The following THEMIS variants were observed in gnomAD, a reference collection of about 807,000 sequenced individuals.
THEMIS encodes the protein protein THEMIS.
Under a neutral mutation model 52.6 loss-of-function variants are expected in THEMIS, and 37 were observed. That is an observed-to-expected ratio of 0.70 (90% CI 0.54 to 0.93). The LOEUF (loss-of-function observed/expected upper bound fraction) is 0.93, where lower values mean the gene tolerates loss of function less well. THEMIS is among the 40% of genes least tolerant of loss of function. The probability of loss-of-function intolerance (pLI) is 0.00; values close to 1 mark genes in which losing one functional copy is unlikely to be tolerated. For synonymous variants in THEMIS, 292 were observed against 272.7 expected, an observed-to-expected ratio of 1.07 and a Z score of -0.70; for missense variants, 808 against 763.1, an observed-to-expected ratio of 1.06 and a Z score of -0.69.
chr6:127,872,801 G>T (rs550374610), intron 1 of THEMIS, among the ~76,000 whole-genome samples: 2 of 151,860 alleles, frequency 1.3e-5, no homozygotes, highest in South Asian at 4.2e-4. Context: ...AATAAAGCAA[G>T]AAAATAAAAT....
intron 4 of THEMIS, among the ~76,000 whole-genome samples, chr6:127,783,361 A>G (rs186432509): frequency 6.6e-6 from 1 of 152,332 alleles, no homozygotes; most frequent in East Asian, 1.9e-4. Context: ...ACCAAAACCA[A>G]TGGCAACAAA....
At chr6:127,913,771 C>G (rs1042391397) in intron 1 of THEMIS, among the ~76,000 whole-genome samples, 1 of 152,180 alleles carries the variant, frequency 6.6e-6, no homozygotes, top group Non-Finnish European at 1.5e-5. Flanking sequence ...TAACATTTTA[C>G]AGCTCATGCA....
intron 3 of THEMIS, among the ~76,000 whole-genome samples, chr6:127,828,956 A>T (rs1380595552): frequency 6.6e-6 from 1 of 152,164 alleles, no homozygotes; most frequent in East Asian, 1.9e-4. Context: ...GTGTGAATTA[A>T]TTTGTCATAT....
At chr6:127,734,979 G>GTA (rs563903085) in intron 4 of THEMIS, among the ~76,000 whole-genome samples, 1,703 of 133,778 alleles carry the variant, frequency 0.013, 17 homozygotes, top group Middle Eastern at 0.048. Flanking sequence ...ATATGTGTGT[G>GTA]TATATATATA....
chr6:127,811,992 G>A (rs1367367535), intron 4 of THEMIS, among the ~76,000 whole-genome samples: 1 of 152,078 alleles, frequency 6.6e-6, no homozygotes, highest in Non-Finnish European at 1.5e-5. Flanking sequence ...GAAGCCTAAG[G>A]CTGCTATTAT....
intron 3 of THEMIS, among the ~76,000 whole-genome samples, chr6:127,814,467 G>C (rs1439144736): frequency 4.6e-5 from 7 of 152,142 alleles, no homozygotes; most frequent in Non-Finnish European, 8.8e-5. Flanking sequence ...ATCATATCCT[G>C]TGAGTTGAAA....
chr6:127,915,096 T>C (rs114706927), intron 1 of THEMIS, among the ~76,000 whole-genome samples: 1,670 of 152,262 alleles, frequency 0.011, 33 homozygotes, highest in African/African-American at 0.039. Context: ...TTTTGTCCTA[T>C]TTTTAGGAAA....
intron 4 of THEMIS, among the ~76,000 whole-genome samples, chr6:127,726,372 G>T (rs2114505870): frequency 1.3e-5 from 2 of 152,168 alleles, no homozygotes; most frequent in South Asian, 4.2e-4. Flanking sequence ...TTCCTGGACT[G>T]GCTGGGACTA....
In THEMIS at chr6:127,779,079, G is replaced by A. The variant is rs116986552; in HGVS notation, c.1758+33804C>T. On this transcript the variant is annotated intron_variant, in intron 4 of 5. Coordinates refer to ENST00000368248, the MANE Select transcript of THEMIS (RefSeq NM_001010923.3). ...GATTCCATGAAAGAAAATTTCTGCA[G>A]AAAACTGAAACTACAGACTGCCTAC... 1.0e-3 allele frequency among the ~76,000 whole-genome samples: 157 copies of A among 152,162 alleles called. 1 individual carries two copies. In the East Asian group the frequency reaches 0.027, roughly 27 times the overall value.
At chr6:127,787,838 GAGATAGACAGAT>G (rs777777202) in intron 4 of THEMIS, among the ~76,000 whole-genome samples, 3,745 of 125,770 alleles carry the variant, frequency 0.03, 54 homozygotes, top group Non-Finnish European at 0.043. Flanking sequence ...TAGATAGATA[GAGATAGACAGAT>G]ATAGATAGAT....
At chr6:127,799,934 C>A (rs1365083632) in intron 4 of THEMIS, among the ~76,000 whole-genome samples, 3 of 152,102 alleles carry the variant, frequency 2.0e-5, no homozygotes, top group Non-Finnish European at 4.4e-5. Context: ...ATGATGTTCA[C>A]AATTTTTATT....
At chr6:127,827,564 A>C (rs761036667) in intron 3 of THEMIS, among the ~76,000 whole-genome samples, 9 of 152,188 alleles carry the variant, frequency 5.9e-5, no homozygotes, top group Non-Finnish European at 1.2e-4. Context: ...GTTAAGTCCT[A>C]CCTAAACAAA....
At chr6:127,779,227 G>A (rs1375917435) in intron 4 of THEMIS, among the ~76,000 whole-genome samples, 1 of 152,082 alleles carries the variant, frequency 6.6e-6, no homozygotes, top group Non-Finnish European at 1.5e-5. Context: ...GGAATTAAAA[G>A]CCCTTCTCCC....
chr6:127,730,652 T>A (rs1774760826), intron 4 of THEMIS, among the ~76,000 whole-genome samples: 1 of 152,216 alleles, frequency 6.6e-6, no homozygotes. Context: ...TGCTTCCATG[T>A]TTTTAAGGTT....
intron 1 of THEMIS, among the ~76,000 whole-genome samples, chr6:127,899,572 T>A (rs187961671): frequency 6.6e-6 from 1 of 151,850 alleles, no homozygotes; most frequent in Admixed American, 6.6e-5. Flanking sequence ...TAAAATTGGA[T>A]CCCTGTACAA....
At chr6:127,715,380 CACT>C (rs1036093858) in intron 5 of THEMIS, among the ~76,000 whole-genome samples, 41 of 151,948 alleles carry the variant, frequency 2.7e-4, no homozygotes, top group African/African-American at 9.9e-4. Context: ...GCACTTAGAA[CACT>C]ACTTAGAATA....
intron 1 of THEMIS, among the ~76,000 whole-genome samples, chr6:127,867,684 G>T (rs1233816349): frequency 6.6e-6 from 1 of 152,094 alleles, no homozygotes; most frequent in Admixed American, 6.6e-5. Flanking sequence ...AGAAGAAACG[G>T]AGAACAGATA....
intron 2 of THEMIS, among the ~76,000 whole-genome samples, chr6:127,837,552 C>G (rs1778911746): frequency 1.3e-5 from 2 of 151,592 alleles, no homozygotes; most frequent in African/African-American, 4.8e-5. Flanking sequence ...ACCAAGGAAC[C>G]CAGCCTAAAT....
chr6:127,845,591 C>A (rs902315636), intron 2 of THEMIS, among the ~76,000 whole-genome samples: 1 of 151,884 alleles, frequency 6.6e-6, no homozygotes, highest in East Asian at 1.9e-4. Context: ...AAAGCTCAAT[C>A]CCAGAGAATT....
Sources: allele counts gnomAD v4.1 joint callset (sites outside exome capture counted in the v4.1 genomes callset), GRCh38; gene constraint gnomAD v4.1.1; transcripts MANE v1.5; gene names NCBI Gene and HGNC (gene_info 2026-07-23, HGNC 2026-07-21).